The following QRICH1 variants were observed in gnomAD, a reference collection of about 807,000 sequenced individuals.
The protein encoded by QRICH1 is glutamine rich 1.
In QRICH1, 16 loss-of-function variants were observed where a neutral mutation model predicts 87.1. The observed-to-expected ratio is 0.18, with a 90% confidence interval of 0.12 to 0.28. The LOEUF is 0.28. QRICH1 is among the 10% of genes least tolerant of loss of function. QRICH1 has a pLI of 1.00. For synonymous variants in QRICH1, 367 were observed against 368.4 expected (o/e 1.00, Z 0.05); for missense variants, 647 against 951.7 (o/e 0.68, Z 4.21).
intron 2 of QRICH1, among the ~76,000 whole-genome samples, chr3:49,075,871 G>A (rs901465428): frequency 6.6e-6 from 1 of 151,882 alleles, no homozygotes; most frequent in Non-Finnish European, 1.5e-5. Flanking sequence ...GAACCCGGGG[G>A]ACAGAGGCAA....
intron 6 of QRICH1, among the ~76,000 whole-genome samples, chr3:49,038,616 C>T (rs1182442881): frequency 6.6e-6 from 1 of 151,974 alleles, no homozygotes; most frequent in Non-Finnish European, 1.5e-5. Context: ...TGGGGTTTCA[C>T]CATAATTGGC....
chr3:49,056,708 C>G (rs143438350), intron 3 of QRICH1, 154 bp downstream of exon 3: 1 of 1,295,852 alleles, frequency 7.7e-7, no homozygotes, highest in African/African-American at 1.5e-5. Flanking sequence ...CATAGCCTCA[C>G]GTGATGTTTC....
chr3:49,068,946 T>A (rs2093484100), intron 2 of QRICH1, among the ~76,000 whole-genome samples: 1 of 151,436 alleles, frequency 6.6e-6, no homozygotes, highest in South Asian at 2.1e-4. Flanking sequence ...TGGCTAAAAT[T>A]TAAAGTAGAA....
intron 2 of QRICH1, among the ~76,000 whole-genome samples, chr3:49,065,684 CTT>C (rs935571492): frequency 7.1e-5 from 10 of 140,354 alleles, no homozygotes; most frequent in Admixed American, 1.4e-4. Flanking sequence ...GAGTCTCTCT[CTT>C]TTTTTTTTTT....
At chr3:49,094,329 G>A (rs1366161376), upstream of QRICH1, 2 of 322,678 alleles carry the variant, frequency 6.2e-6, no homozygotes, top group Non-Finnish European at 5.6e-6. Context: ...CTAGCTCTTT[G>A]GACCCACCTT....
intron 2 of QRICH1, among the ~76,000 whole-genome samples, chr3:49,075,158 C>CAA (rs879670710): frequency 8.3e-6 from 1 of 121,200 alleles, no homozygotes; most frequent in Admixed American, 8.5e-5. Context: ...TATATCTCTA[C>CAA]AAAAAAAAAA....
intron 1 of QRICH1, among the ~76,000 whole-genome samples, chr3:49,092,770 C>G (rs1010187208): frequency 2.6e-5 from 4 of 152,162 alleles, no homozygotes; most frequent in African/African-American, 9.7e-5. Context: ...AAATCCTACA[C>G]CAAAAGTGAC....
chr3:49,034,143 C>CT (rs1559923378), intron 6 of QRICH1, among the ~76,000 whole-genome samples: 1 of 150,474 alleles, frequency 6.6e-6, no homozygotes, highest in African/African-American at 2.4e-5. Context: ...CAATATTTAT[C>CT]TTTTTTTAAA....
chr3:49,084,929 T>C (rs1308743554), intron 1 of QRICH1, among the ~76,000 whole-genome samples: 1 of 151,958 alleles, frequency 6.6e-6, no homozygotes, highest in African/African-American at 2.4e-5. Flanking sequence ...GATCACCAGA[T>C]CAGGAGATCG....
At chr3:49,039,873 A>C (rs1463251055) in intron 6 of QRICH1, among the ~76,000 whole-genome samples, 1 of 152,124 alleles carries the variant, frequency 6.6e-6, no homozygotes, top group Non-Finnish European at 1.5e-5. Flanking sequence ...CAGCCTGGCC[A>C]ACATGGTGAA....
At chr3:49,039,505 A>G (rs1236957608) in intron 6 of QRICH1, among the ~76,000 whole-genome samples, 1 of 150,974 alleles carries the variant, frequency 6.6e-6, no homozygotes, top group East Asian at 2.0e-4. Flanking sequence ...GGTGCCTGTA[A>G]TCCCAGCTAC....
intron 2 of QRICH1, among the ~76,000 whole-genome samples, chr3:49,063,080 G>A (rs571062687): frequency 1.3e-5 from 2 of 152,082 alleles, no homozygotes; most frequent in Non-Finnish European, 2.9e-5. Flanking sequence ...TGAATCCATG[G>A]GGAAATTTAA....
intron 3 of QRICH1, among the ~76,000 whole-genome samples, chr3:49,047,634 C>T (rs2093346430): frequency 6.6e-6 from 1 of 151,230 alleles, no homozygotes; most frequent in South Asian, 2.1e-4. Context: ...CAGGCATGCA[C>T]CAACACGGCC....
Position 49,030,274 on chromosome 3 carries a change from G to A in QRICH1, c.*178C>T. ...TCGGCTGAGGAGTCTGCCGCAGCAG[G>A]TTTATGAAGATGCAAAGGGGGCAAA... On this transcript the variant is annotated 3_prime_UTR_variant, in exon 10 of 10. Transcript: ENST00000395443. 4.8e-6 allele frequency: 3 copies of A among 619,932 alleles called. No homozygotes were observed. The highest frequency in any genetic ancestry group is 5.5e-6 in the Non-Finnish European group (2 of 366,724). The allele number at this position is 619,932 out of a possible 1,614,324, so 38.4% of individuals were successfully genotyped here.
intron 1 of QRICH1, among the ~76,000 whole-genome samples, chr3:49,084,627 G>A (rs1047327264): frequency 6.6e-6 from 1 of 151,954 alleles, no homozygotes; most frequent in Non-Finnish European, 1.5e-5. Flanking sequence ...AACAGGGCAT[G>A]GTGGCAGCCA....
intron 6 of QRICH1, among the ~76,000 whole-genome samples, chr3:49,035,139 G>C (rs1281846092): frequency 1.3e-5 from 2 of 152,170 alleles, no homozygotes; most frequent in Non-Finnish European, 2.9e-5. Context: ...AGGATGAGCA[G>C]AAAACAGCCC....
intron 2 of QRICH1, among the ~76,000 whole-genome samples, chr3:49,058,959 CTCTTT>C (rs2093418814): frequency 7.0e-6 from 1 of 142,784 alleles, no homozygotes; most frequent in Non-Finnish European, 1.5e-5. Context: ...TGGAGTTTCA[CTCTTT>C]TTTTTTTTTT....
intron 6 of QRICH1, among the ~76,000 whole-genome samples, chr3:49,041,721 C>T (rs2093311399): frequency 6.6e-6 from 1 of 151,948 alleles, no homozygotes; most frequent in African/African-American, 2.4e-5. Context: ...ACCTCTGCCT[C>T]CCTGGTTCAA....
In QRICH1 at chr3:49,032,277, T is replaced by C. The variant is rs2093245663; in HGVS notation, c.2048-4A>G. The stretch of plus-strand genomic sequence containing the variant: ...TCTGCATACATGTCATCTGTAACTA[T>C]AAAACACACATCCCCACCACCACAG... On this transcript the variant is annotated splice_polypyrimidine_tract_variant and splice_region_variant and intron_variant, in intron 8 of 9. Transcript: ENST00000395443. 2 of 1,605,220 alleles carry C rather than the reference T, an allele frequency of 1.2e-6. No individual in the cohort carries two copies. Among genetic ancestry groups the C allele is most frequent in the South Asian group, 1.1e-5 (1 of 90,922 alleles).
Sources: allele counts gnomAD v4.1 joint callset (sites outside exome capture counted in the v4.1 genomes callset), GRCh38; gene constraint gnomAD v4.1.1; transcripts MANE v1.5; gene names NCBI Gene and HGNC (gene_info 2026-07-23, HGNC 2026-07-21).